The following ANKRD13C variants were observed in gnomAD, a reference collection of about 807,000 sequenced individuals.
ANKRD13C encodes the protein ankyrin repeat domain 13C, also known as ankyrin repeat domain-containing protein 13C.
In ANKRD13C, 16 loss-of-function variants were observed where a neutral mutation model predicts 65.5. That is an observed-to-expected ratio of 0.24 (90% CI 0.17 to 0.37). ANKRD13C has a LOEUF of 0.37. Among genes scored for constraint, ANKRD13C ranks in the 10% least tolerant of loss-of-function variants. The pLI is 1.00. For missense variants in ANKRD13C, 503 were observed against 655.9 expected (o/e 0.77, Z 2.55); for synonymous variants, 235 against 238.7 (o/e 0.98, Z 0.14).
chr1:70,284,264 T>C (rs946503893), intron 9 of ANKRD13C, among the ~76,000 whole-genome samples: 3 of 152,108 alleles, frequency 2.0e-5, no homozygotes, highest in Admixed American at 1.3e-4. Flanking sequence ...CAAAAAGGAA[T>C]AGACATTTAT....
chr1:70,281,974 T>G (rs940989923), intron 9 of ANKRD13C, among the ~76,000 whole-genome samples: 1 of 150,382 alleles, frequency 6.6e-6, no homozygotes, highest in African/African-American at 2.4e-5. Flanking sequence ...CACTCCAGTA[T>G]GGGCAACAGA....
chr1:70,329,520 C>CA (rs973665081), intron 2 of ANKRD13C, among the ~76,000 whole-genome samples: 26 of 132,630 alleles, frequency 2.0e-4, no homozygotes, highest in South Asian at 7.0e-4. Context: ...GACTCTGTCT[C>CA]AAAAAAAAAG....
chr1:70,312,229 G>C (rs1376181113), intron 5 of ANKRD13C, among the ~76,000 whole-genome samples: 1 of 152,178 alleles, frequency 6.6e-6, no homozygotes, highest in Admixed American at 6.5e-5. Flanking sequence ...AGTTGAAGCT[G>C]AATTTGCAAA....
chr1:70,341,397 T>C (rs1468598427), intron 1 of ANKRD13C, among the ~76,000 whole-genome samples: 1 of 148,564 alleles, frequency 6.7e-6, no homozygotes, highest in Non-Finnish European at 1.5e-5. Flanking sequence ...AGTTTCATTC[T>C]GTCACCCAGG....
At chr1:70,336,238 T>C (rs1238867804) in intron 1 of ANKRD13C, 139 bp from the exon 2 acceptor site, 1 of 243,894 alleles carries the variant, frequency 4.1e-6, no homozygotes. Context: ...ATAATATTGC[T>C]TATATAGCAA....
intron 12 of ANKRD13C, among the ~76,000 whole-genome samples, chr1:70,268,713 A>G (rs896546446): frequency 6.6e-6 from 1 of 152,004 alleles, no homozygotes; most frequent in Non-Finnish European, 1.5e-5. Flanking sequence ...GTGGTGGGGG[A>G]GGATGAAGAT....
intron 11 of ANKRD13C, among the ~76,000 whole-genome samples, chr1:70,272,588 T>G (rs886320163): frequency 6.9e-6 from 1 of 145,802 alleles, no homozygotes; most frequent in African/African-American, 2.5e-5. Flanking sequence ...TAAGATATTC[T>G]TTTTTTTTTT....
At chr1:70,299,760 G>C (rs1199803738) in intron 7 of ANKRD13C, among the ~76,000 whole-genome samples, 1 of 152,160 alleles carries the variant, frequency 6.6e-6, no homozygotes, top group Non-Finnish European at 1.5e-5. Context: ...TTTTAAATAA[G>C]GTGAATTTTG....
chr1:70,305,986 C>T (rs946358590), intron 6 of ANKRD13C: 1 of 230,340 alleles, frequency 4.3e-6, no homozygotes, highest in African/African-American at 2.3e-5. Context: ...AATATCTTTG[C>T]TTTAGTCAAG....
intron 3 of ANKRD13C, among the ~76,000 whole-genome samples, chr1:70,321,911 C>A: frequency 6.6e-6 from 1 of 152,038 alleles, no homozygotes; most frequent in South Asian, 2.1e-4. Flanking sequence ...AAGTTTTTGC[C>A]AGTAATTAAT....
intron 4 of ANKRD13C, 70 bp downstream of exon 4, chr1:70,315,411 G>A (rs1681033428): frequency 4.4e-6 from 6 of 1,360,908 alleles, no homozygotes; most frequent in Non-Finnish European, 6.1e-6. Flanking sequence ...GTTGTATTAA[G>A]AAAAAAATGC....
chr1:70,331,901 T>TAA (rs1681823545), intron 2 of ANKRD13C, among the ~76,000 whole-genome samples: 1 of 151,642 alleles, frequency 6.6e-6, no homozygotes, highest in South Asian at 2.1e-4. Flanking sequence ...AATCTCACTC[T>TAA]TGTGCAACCA....
Position 70,268,175 on chromosome 1 carries a change from CG to C in ANKRD13C, c.1495+2680del, listed in dbSNP as rs201074669. Among the ~76,000 whole-genome samples the C allele has an allele frequency of 7.5e-3, 1,134 of 151,704 alleles. 17 individuals are homozygous for C. Among genetic ancestry groups the C allele is most frequent in the African/African-American group, 0.026 (1,065 of 41,120 alleles). The stretch of plus-strand genomic sequence containing the variant: ...AAGTCACTCATACAGCTAGCTTCCC[CG>C]CCCCCACCTTGAGACAGAGTCTTGC... On this transcript the variant is annotated intron_variant, in intron 12 of 12. Transcript: ENST00000370944.
In ANKRD13C at chr1:70,262,707, T is replaced by C; in HGVS notation, c.*10A>G. ...TTTCCTTGGTTAGACGGCATCCTTTTCCACGTCAGTTAAAGATCAGGAAAA... is the reference window on the plus strand; with the variant it reads ...TTTCCTTGGTTAGACGGCATCCTTTCCCACGTCAGTTAAAGATCAGGAAAA... On this transcript the variant is annotated 3_prime_UTR_variant, in exon 13 of 13. Coordinates refer to ENST00000370944, the MANE Select transcript of ANKRD13C (RefSeq NM_030816.5). 6.2e-7 allele frequency: 1 copy of C among 1,611,044 alleles called. No homozygotes were observed. The highest frequency in any genetic ancestry group is 8.5e-7 in the Non-Finnish European group (1 of 1,178,010).
At chr1:70,271,379 T>C (rs921686836) in intron 11 of ANKRD13C, among the ~76,000 whole-genome samples, 27 of 152,234 alleles carry the variant, frequency 1.8e-4, no homozygotes, top group African/African-American at 6.3e-4. Context: ...CCTTCTGAAC[T>C]ACAATTTCAT....
intron 11 of ANKRD13C, among the ~76,000 whole-genome samples, chr1:70,272,963 T>C (rs1572026965): frequency 6.6e-6 from 1 of 151,236 alleles, no homozygotes; most frequent in Non-Finnish European, 1.5e-5. Context: ...ACTCCAGCCT[T>C]GGCAACAGAG....
At chr1:70,325,079 T>C (rs1681477440) in intron 2 of ANKRD13C, 122 bp from the exon 3 acceptor site, 1 of 597,730 alleles carries the variant, frequency 1.7e-6, no homozygotes, top group African/African-American at 1.9e-5. Flanking sequence ...TTGTACCATG[T>C]AGAATTATGT....
chr1:70,293,560 A>T (rs1018818954), intron 8 of ANKRD13C: 1 of 985,314 alleles, frequency 1.0e-6, no homozygotes, highest in Non-Finnish European at 1.2e-6. Flanking sequence ...GCTGCTTAGC[A>T]GTAGTACTAG....
At position 70,292,342 on chromosome 1, in the gene ANKRD13C, CCT is replaced by C. The variant is rs746185321; in HGVS notation, c.1215+44_1215+45del. On this transcript the variant is annotated intron_variant, in intron 9 of 12. Transcript: ENST00000370944. ...ATGCCACCAAGAATGAAATCTATCC[CCT>C]CTCTTCTTAGAAAACTACAAATTAG... 4.2e-4 allele frequency: 597 copies of C among 1,412,044 alleles called. 1 individual carries two copies. The highest frequency in any genetic ancestry group is 1.5e-3 in the South Asian group (96 of 64,952). 87.5% of individuals were successfully genotyped at this position (1,412,044 alleles called of 1,614,324 possible).
Sources: gnomAD v4.1 joint callset for allele counts (sites outside exome capture counted in the v4.1 genomes callset) on GRCh38, gnomAD v4.1.1 for gene constraint, MANE v1.5 for transcripts, NCBI Gene and HGNC (gene_info 2026-07-23, HGNC 2026-07-21) for gene names.